SCN11A: variants seen among roughly 807,000 people sequenced by gnomAD.
The protein encoded by SCN11A is sodium voltage-gated channel alpha subunit 11.
Under a neutral mutation model 162.2 loss-of-function variants are expected in SCN11A, and 122 were observed. The observed-to-expected ratio is 0.75, with a 90% confidence interval of 0.65 to 0.87. SCN11A has a LOEUF of 0.87. SCN11A is among the 40% of genes least tolerant of loss of function. The pLI, the probability that SCN11A is intolerant of heterozygous loss-of-function variation, is 0.00. For missense variants in SCN11A, 2,015 were observed against 2,181.6 expected (o/e 0.92, Z 1.52); for synonymous variants, 758 against 751.5 (o/e 1.01, Z -0.14).
chr3:39,040,073 C>A (rs572258400), intron 1 of SCN11A, among the ~76,000 whole-genome samples: 1 of 152,362 alleles, frequency 6.6e-6, no homozygotes, highest in South Asian at 2.1e-4. Context: ...CTGGCAATGG[C>A]ATCCTATAAT....
intron 28 of SCN11A, among the ~76,000 whole-genome samples, chr3:38,854,048 C>T (rs1017142579): frequency 6.6e-6 from 1 of 151,914 alleles, no homozygotes; most frequent in African/African-American, 2.4e-5. Flanking sequence ...TGTTATTGTA[C>T]AGCCCATGAG....
intron 2 of SCN11A, among the ~76,000 whole-genome samples, chr3:39,017,349 C>T (rs2125605367): frequency 1.3e-5 from 2 of 151,982 alleles, no homozygotes; most frequent in Middle Eastern, 6.8e-3. Flanking sequence ...TACAGCAGCC[C>T]AAGCTGACCA....
intron 2 of SCN11A, among the ~76,000 whole-genome samples, chr3:38,965,936 T>C (rs1185264394): frequency 1.3e-5 from 2 of 151,956 alleles, no homozygotes; most frequent in Non-Finnish European, 2.9e-5. Flanking sequence ...GTTAGGATTG[T>C]GCCACTTTAC....
chr3:38,979,181 C>A (rs2029912231), intron 2 of SCN11A, among the ~76,000 whole-genome samples: 1 of 152,218 alleles, frequency 6.6e-6, no homozygotes, highest in Non-Finnish European at 1.5e-5. Context: ...TGGTGCCTGA[C>A]ACACTGTAGG....
chr3:39,019,935 T>C (rs780483947), intron 2 of SCN11A, among the ~76,000 whole-genome samples: 2 of 152,202 alleles, frequency 1.3e-5, no homozygotes, highest in South Asian at 2.1e-4. Flanking sequence ...ATTATAAACT[T>C]CTTGTTTTTC....
chr3:38,987,303 T>TCACACACA lies in SCN11A; in HGVS notation c.-279-26888_-279-26881dup, dbSNP rs57092499. ...TTCTCTCTCTCTCTCTCTCTCTCTC[T>TCACACACA]CACACACACACACACACACACACAC... On this transcript the variant is annotated intron_variant, in intron 2 of 29. Transcript: ENST00000302328. Among the ~76,000 whole-genome samples, 115 of 104,466 alleles carry TCACACACA rather than the reference T, an allele frequency of 1.1e-3. 1 individual carries two copies. The highest frequency in any genetic ancestry group is 1.9e-3 in the Non-Finnish European group (96 of 50,940). 68.5% of individuals were successfully genotyped at this position (104,466 alleles called of 152,430 possible).
intron 7 of SCN11A, among the ~76,000 whole-genome samples, chr3:38,941,693 A>G (rs2066444664): frequency 6.6e-6 from 1 of 152,190 alleles, no homozygotes; most frequent in Non-Finnish European, 1.5e-5. Context: ...AGGTAAAGCT[A>G]AAAGGCCAGC....
At chr3:39,001,576 G>C (rs2030811074) in intron 2 of SCN11A, among the ~76,000 whole-genome samples, 1 of 152,106 alleles carries the variant, frequency 6.6e-6, no homozygotes, top group Admixed American at 6.5e-5. Context: ...TTTCTTCTAA[G>C]AGTTTTATAG....
At chr3:38,920,896 A>G (rs898514894) in intron 10 of SCN11A, among the ~76,000 whole-genome samples, 180 bp downstream of exon 10, 1 of 152,144 alleles carries the variant, frequency 6.6e-6, no homozygotes, top group African/African-American at 2.4e-5. Context: ...CTCCATAGGA[A>G]GCCAAAGAAT....
intron 1 of SCN11A, among the ~76,000 whole-genome samples, chr3:39,044,773 CAAG>C (rs1406144970): frequency 5.3e-5 from 8 of 151,938 alleles, no homozygotes; most frequent in Non-Finnish European, 1.0e-4. Context: ...ACTACAAAAA[CAAG>C]AACCAACGAA....
rs2064683504 is a variant in SCN11A, at chr3:38,847,137, C to T, written c.4933G>A (p.Ala1645Thr). Residue 1645 changes from alanine (A) to threonine (T), a missense_variant, in exon 30 of 30, where the codon GCC (alanine) becomes ACC (threonine). Ala to Thr is a moderately conservative substitution (Grantham distance 58, BLOSUM62 0). Coordinates refer to ENST00000302328, the MANE Select transcript of SCN11A (RefSeq NM_001349253.2). Reference sequence around the variant, plus strand: ...AAGGCATCAGCAAAGTCAGAAAGGGCAGAATATTTGATAAATTGTGTTGCT... The same window carrying T: ...AAGGCATCAGCAAAGTCAGAAAGGGTAGAATATTTGATAAATTGTGTTGCT... Reference protein sequence around the residue: ...PEATQFIKYSALSDFADALPE... With the variant: ...PEATQFIKYSTLSDFADALPE... 6.2e-7 allele frequency: 1 copy of T among 1,614,072 alleles called. No individual in the cohort carries two copies. The highest frequency in any genetic ancestry group is 8.5e-7 in the Non-Finnish European group (1 of 1,180,048).
At chr3:38,981,811 C>T (rs2030068161) in intron 2 of SCN11A, among the ~76,000 whole-genome samples, 1 of 151,884 alleles carries the variant, frequency 6.6e-6, no homozygotes, top group Admixed American at 6.6e-5. Flanking sequence ...TTGAGACCAG[C>T]CTGGCCAACA....
intron 1 of SCN11A, among the ~76,000 whole-genome samples, chr3:39,036,777 A>G (rs1248982456): frequency 8.5e-5 from 13 of 152,218 alleles, no homozygotes; most frequent in Admixed American, 7.2e-4. Context: ...GCAGATCAAA[A>G]CTATATTATC....
chr3:39,025,204 G>A, intron 2 of SCN11A, among the ~76,000 whole-genome samples: 1 of 152,046 alleles, frequency 6.6e-6, no homozygotes, highest in East Asian at 1.9e-4. Flanking sequence ...AGGAGAGCAG[G>A]AGGTCAGAGA....
rs142378574 is a variant in SCN11A, at chr3:38,994,163, A to G, written c.-279-33740T>C. On this transcript the variant is annotated intron_variant, in intron 2 of 29. Transcript: ENST00000302328. Reference sequence around the variant, plus strand: ...AAAGAAAAGAATCAAACTAGACACAAGATAAGACTAAAAACTAACTCAGTG... The same window carrying G: ...AAAGAAAAGAATCAAACTAGACACAGGATAAGACTAAAAACTAACTCAGTG... Among the ~76,000 whole-genome samples, 640 of 152,346 alleles carry G rather than the reference A, an allele frequency of 4.2e-3. 6 individuals are homozygous for G. The highest frequency in any genetic ancestry group is 0.014 in the African/African-American group (589 of 41,586).
chr3:38,883,492 G>C, intron 21 of SCN11A, 105 bp from the exon 22 acceptor site: 1 of 1,017,226 alleles, frequency 9.8e-7, no homozygotes, highest in Non-Finnish European at 1.4e-6. Context: ...CATGCGACCT[G>C]CAGTTGCTCC....
At chr3:39,000,387 C>G (rs962923939) in intron 2 of SCN11A, among the ~76,000 whole-genome samples, 28 of 152,182 alleles carry the variant, frequency 1.8e-4, no homozygotes, top group African/African-American at 6.0e-4. Flanking sequence ...AAGGCTTGTT[C>G]TTTCATCTCC....
At chr3:39,046,187 G>C (rs1021937290) in intron 1 of SCN11A, among the ~76,000 whole-genome samples, 2 of 152,010 alleles carry the variant, frequency 1.3e-5, no homozygotes, top group African/African-American at 4.8e-5. Flanking sequence ...TTGAATCTGG[G>C]AGGTGGAGGT....
At chr3:38,995,252 C>G (rs1458755476) in intron 2 of SCN11A, among the ~76,000 whole-genome samples, 2 of 151,944 alleles carry the variant, frequency 1.3e-5, no homozygotes, top group East Asian at 3.9e-4. Context: ...TCCCGAGTAC[C>G]TGGGACTACA....
Sources: gnomAD v4.1 joint callset for allele counts (sites outside exome capture counted in the v4.1 genomes callset) on GRCh38, gnomAD v4.1.1 for gene constraint, MANE v1.5 for transcripts, NCBI Gene and HGNC (gene_info 2026-07-23, HGNC 2026-07-21) for gene names.